SYNE2: variants seen among roughly 807,000 people sequenced by gnomAD.
The protein encoded by SYNE2 is spectrin repeat containing nuclear envelope protein 2.
Under a neutral mutation model 856.3 loss-of-function variants are expected in SYNE2, and 431 were observed. The ratio of observed to expected loss-of-function variants is 0.50; its 90% CI spans 0.47 to 0.55. SYNE2 has a LOEUF of 0.55. Ranked by LOEUF, SYNE2 falls within the 20% of genes least tolerant of loss-of-function variation. The pLI, the probability that SYNE2 is intolerant of heterozygous loss-of-function variation, is 0.00. For missense variants in SYNE2, 8,129 were observed against 8,023.2 expected (o/e 1.01, Z -0.50); for synonymous variants, 2,923 against 2,872.3 (o/e 1.02, Z -0.56).
At chr14:63,905,974 T>TC (rs900201819) in intron 1 of SYNE2, among the ~76,000 whole-genome samples, 13 of 152,168 alleles carry the variant, frequency 8.5e-5, no homozygotes, top group Non-Finnish European at 1.5e-4. Context: ...GTATGTTCCT[T>TC]CAATGCCTAG....
intron 64 of SYNE2, among the ~76,000 whole-genome samples, chr14:64,104,746 C>T (rs1262755683): frequency 5.3e-5 from 8 of 152,116 alleles, no homozygotes; most frequent in East Asian, 1.9e-4. Flanking sequence ...CCACTGCGCC[C>T]GGCCTCTCTG....
intron 100 of SYNE2, 53 bp from the exon 101 acceptor site, chr14:64,208,705 C>T: frequency 6.3e-7 from 1 of 1,598,294 alleles, no homozygotes; most frequent in Non-Finnish European, 8.6e-7. Context: ...TGATGCTGAC[C>T]CTCCTGCTGC....
At chr14:64,085,719 A>G (rs2097556424) in intron 57 of SYNE2, among the ~76,000 whole-genome samples, 1 of 152,156 alleles carries the variant, frequency 6.6e-6, no homozygotes, top group African/African-American at 2.4e-5. Context: ...AGTGACTTGC[A>G]GTGGTATTTC....
In SYNE2 at chr14:64,126,451, A is replaced by T; in HGVS notation, c.13679A>T (p.Asp4560Val). ...MLEMPRLYRE[D>V]GSGQQVHYET... Reference sequence around the variant, plus strand: ...GAGATGCCCAGACTTTACAGGGAGGATGGTTCTGGCCAGCAGGTGCACTAC... The same window carrying T: ...GAGATGCCCAGACTTTACAGGGAGGTTGGTTCTGGCCAGCAGGTGCACTAC... Residue 4560 changes from aspartate to valine, a missense_variant, in exon 72 of 116, where the codon GAT becomes GTT. Asp to Val is a radical substitution (Grantham distance 152). Transcript: ENST00000555002. The T allele has an allele frequency of 1.2e-6, 2 of 1,614,054 alleles. No homozygotes were observed. Among genetic ancestry groups the T allele is most frequent in the Non-Finnish European group, 1.7e-6 (2 of 1,180,004 alleles).
At chr14:64,021,185 C>A in intron 35 of SYNE2, 130 bp from the exon 36 acceptor site, 1 of 767,492 alleles carries the variant, frequency 1.3e-6, no homozygotes, top group Non-Finnish European at 2.2e-6. Flanking sequence ...CATAGAAAAA[C>A]GTAGAGCAAT....
rs868572266 is a variant in SYNE2, at chr14:63,990,958, T to G, written c.2489T>G (p.Leu830Arg). Residue 830 changes from leucine (L) to arginine (R), a missense_variant, in exon 21 of 116, where the codon CTC becomes CGC. Physicochemically the swap from Leu to Arg is moderately radical, Grantham distance 102 (BLOSUM62 -2). This residue lies in a region of SYNE2 where 2,422 missense variants were observed against 2,357.4 expected (regional missense o/e 1.03). Coordinates refer to ENST00000555002, the MANE Select transcript of SYNE2 (RefSeq NM_182914.3). ...KEKVQINVVKLIAALKNLTDV... is the reference protein window; with the variant it reads ...KEKVQINVVKRIAALKNLTDV... Reference sequence around the variant, plus strand: ...GTCTTCAAGATCAATGTGGTAAAACTCATTGCAGCGTTGAAGAACTTAACT... The same window carrying G: ...GTCTTCAAGATCAATGTGGTAAAACGCATTGCAGCGTTGAAGAACTTAACT... The G allele has an allele frequency of 1.2e-5, 20 of 1,614,096 alleles. No individual in the cohort carries two copies. Among genetic ancestry groups the G allele is most frequent in the Non-Finnish European group, 1.7e-5 (20 of 1,179,964 alleles).
At chr14:64,011,517 G>T (rs1465974137) in intron 32 of SYNE2, among the ~76,000 whole-genome samples, 1 of 152,114 alleles carries the variant, frequency 6.6e-6, no homozygotes, top group African/African-American at 2.4e-5. Flanking sequence ...CTTCTGCCGT[G>T]TCCCCGATAG....
At chr14:63,927,660 G>A (rs748253826) in intron 2 of SYNE2, among the ~76,000 whole-genome samples, 2 of 152,078 alleles carry the variant, frequency 1.3e-5, no homozygotes, top group Non-Finnish European at 2.9e-5. Flanking sequence ...TTGGGAGGCC[G>A]AGGAGGACGG....
chr14:64,137,823 C>T lies in SYNE2; in HGVS notation c.14683C>T (p.Leu4895Phe), dbSNP rs747983124. ...AAACATTGGTGGAAAACACGCCCGGCTTTACCAAACTCTGAACGAAGGCAA... is the reference window on the plus strand; with the variant it reads ...AAACATTGGTGGAAAACACGCCCGGTTTTACCAAACTCTGAACGAAGGCAA... ...KRNIGGKHARLYQTLNEGKQL... is the reference protein window; with the variant it reads ...KRNIGGKHARFYQTLNEGKQL... The change falls in exon 79 of 116, where the codon CTT becomes TTT. Residue 4895 changes from leucine (L) to phenylalanine (F), a missense_variant. By Grantham distance (22) the Leu-to-Phe change is conservative (BLOSUM62 0). Coordinates refer to ENST00000555002, the MANE Select transcript of SYNE2 (RefSeq NM_182914.3). 6.2e-7 allele frequency: 1 copy of T among 1,614,180 alleles called. No homozygotes were observed. The highest frequency in any genetic ancestry group is 8.5e-7 in the Non-Finnish European group (1 of 1,180,028).
At chr14:64,142,127 C>T in intron 82 of SYNE2, 39 bp downstream of exon 82, 2 of 1,611,816 alleles carry the variant, frequency 1.2e-6, no homozygotes, top group Non-Finnish European at 8.5e-7. Flanking sequence ...TTCATTGAAA[C>T]AAGAAGGCTA....
At position 64,129,701 on chromosome 14, in the gene SYNE2, TATTTA is replaced by T. The variant is rs2097992777; in HGVS notation, c.14020-77_14020-73del. The stretch of plus-strand genomic sequence containing the variant: ...CTTTTCCCTTCATCCCTTTCTGTAC[TATTTA>T]ATTCTTTTTAGATAACTATGTGTAC... On this transcript the variant is annotated intron_variant, in intron 74 of 115. Coordinates refer to ENST00000555002, the MANE Select transcript of SYNE2 (RefSeq NM_182914.3). 9 of 1,591,530 alleles carry T rather than the reference TATTTA, an allele frequency of 5.7e-6. No homozygotes were observed. In the South Asian group the frequency reaches 9.0e-5, roughly 16 times the overall value.
At chr14:64,097,534 A>G (rs556925823) in intron 61 of SYNE2, among the ~76,000 whole-genome samples, 1 of 152,334 alleles carries the variant, frequency 6.6e-6, no homozygotes, top group East Asian at 1.9e-4. Context: ...AAGTCTGCAT[A>G]AGGCACTTAT....
intron 1 of SYNE2, among the ~76,000 whole-genome samples, chr14:63,888,059 T>G (rs185264426): frequency 1.3e-5 from 2 of 152,256 alleles, no homozygotes; most frequent in African/African-American, 4.8e-5. Flanking sequence ...GGCCGAGTCT[T>G]GGTTTTTATA....
rs759079137 is a variant in SYNE2 at position 64,177,479 on chromosome 14, T to G, written c.17552T>G (p.Ile5851Ser). 9 of 1,614,192 alleles carry G rather than the reference T, an allele frequency of 5.6e-6. No homozygotes were observed. In the Admixed American group the frequency reaches 1.3e-4, roughly 24 times the overall value. The change falls in exon 96 of 116, where the codon ATT becomes AGT. Residue 5851 changes from isoleucine to serine, a missense_variant. Ile to Ser is a moderately radical substitution (Grantham distance 142). This residue lies in a region of SYNE2 where 5,410 missense variants were observed against 5,284.8 expected (regional missense o/e 1.02). Transcript: ENST00000555002. ...GACCTCCATAACGAAAAAGAGCTGA[T>G]TAAGGTATTGAAATCCAAACAAGTG... ...HEDLHNEKEL[I>S]KELEQSLASW... is the part of the protein sequence containing the mutation.
At chr14:63,823,099 G>A (rs1889285266) in intron 1 of SYNE2, among the ~76,000 whole-genome samples, 1 of 151,870 alleles carries the variant, frequency 6.6e-6, no homozygotes, top group South Asian at 2.1e-4. Context: ...GCGAGATCCT[G>A]TCTCTGCAAA....
intron 1 of SYNE2, among the ~76,000 whole-genome samples, chr14:63,853,926 G>A (rs962839022): frequency 6.6e-6 from 1 of 152,182 alleles, no homozygotes. Context: ...AGGGCGGGGC[G>A]GGGGCTGTGT....
chr14:64,145,785 GA>G (rs1567453991), intron 83 of SYNE2, among the ~76,000 whole-genome samples: 1 of 151,986 alleles, frequency 6.6e-6, no homozygotes, highest in South Asian at 2.1e-4. Flanking sequence ...AAAAAATATC[GA>G]ATGTTGGGAA....
intron 90 of SYNE2, among the ~76,000 whole-genome samples, chr14:64,166,197 A>C (rs1413042737): frequency 6.6e-6 from 1 of 152,158 alleles, no homozygotes; most frequent in Non-Finnish European, 1.5e-5. Context: ...TTTTTTTTAA[A>C]TAAAATTTTG....
intron 73 of SYNE2, 50 bp downstream of exon 73, chr14:64,126,857 A>G (rs771655820): frequency 3.2e-6 from 5 of 1,567,752 alleles, no homozygotes; most frequent in East Asian, 2.2e-5. Context: ...AAGTTACAGC[A>G]TGAACCCCTA....
Sources: gnomAD v4.1 joint callset for allele counts (sites outside exome capture counted in the v4.1 genomes callset) on GRCh38, gnomAD v4.1.1 for gene constraint, gnomAD v4.1.1 regional missense constraint, MANE v1.5 for transcripts, NCBI Gene and HGNC (gene_info 2026-07-23, HGNC 2026-07-21) for gene names.